PTPN6: variants seen among roughly 807,000 people sequenced by gnomAD.
PTPN6 encodes the protein tyrosine-protein phosphatase non-receptor type 6.
A neutral mutation model predicts 81.5 loss-of-function variants in PTPN6; 18 were observed. The ratio of observed to expected loss-of-function variants is 0.22; its 90% CI spans 0.15 to 0.33. The LOEUF (loss-of-function observed/expected upper bound fraction) is 0.33, where lower values mean the gene tolerates loss of function less well. PTPN6 is among the 10% of genes least tolerant of loss of function. The pLI, the probability that PTPN6 is intolerant of heterozygous loss-of-function variation, is 1.00. For synonymous variants in PTPN6, 301 were observed against 310.9 expected (o/e 0.97, Z 0.33); for missense variants, 500 against 794.2 (o/e 0.63, Z 4.45).
In PTPN6 at chr12:6,960,317, A is replaced by G; in HGVS notation, c.1582-27A>G. 6.2e-7 allele frequency: 1 copy of G among 1,605,294 alleles called. No individual in the cohort carries two copies. Among genetic ancestry groups the G allele is most frequent in the South Asian group, 1.1e-5 (1 of 90,896 alleles). On this transcript the variant is annotated intron_variant, in intron 13 of 15. Transcript: ENST00000318974. The surrounding 1 kb of genome is among the most constrained non-coding windows in gnomAD (Gnocchi z 6.1). ...GCCACCTGGCCCTGCTGGGACCACCACCTTCCCACTGTCCCTCTGCCCACA... is the reference window on the plus strand; with the variant it reads ...GCCACCTGGCCCTGCTGGGACCACCGCCTTCCCACTGTCCCTCTGCCCACA...
In PTPN6 at chr12:6,954,960, C is replaced by G. The variant is rs373750986; in HGVS notation, c.482C>G (p.Pro161Arg). 1.9e-6 allele frequency: 3 copies of G among 1,614,040 alleles called. No homozygotes were observed. The highest frequency in any genetic ancestry group is 1.1e-5 in the South Asian group (1 of 91,092). Reference sequence around the variant, plus strand: ...CAGCCCAAGGCTGGCCCAGGCTCCCCGCTCAGGGTCACCCACATCAAGGTC... The same window carrying G: ...CAGCCCAAGGCTGGCCCAGGCTCCCGGCTCAGGGTCACCCACATCAAGGTC... ...SDQPKAGPGS[P>R]LRVTHIKVMC... The change falls in exon 4 of 16, where the codon CCG becomes CGG. Residue 161 changes from proline to arginine, a missense_variant. Around this residue, in one of 6 missense-constraint regions of PTPN6, gnomAD observed 22 missense variants for 16.1 expected, o/e 1.37. Coordinates refer to ENST00000318974, the MANE Select transcript of PTPN6 (RefSeq NM_002831.6). This position sits in a 1 kb window ranked among gnomAD's most constrained non-coding sequence, Gnocchi z 5.4.
At chr12:6,953,762 G>T (rs929717780) in intron 3 of PTPN6, among the ~76,000 whole-genome samples, 2 of 152,100 alleles carry the variant, frequency 1.3e-5, no homozygotes, top group African/African-American at 4.8e-5. Flanking sequence ...TGGGGTCCTA[G>T]CCTGTCCCCA....
chr12:6,946,837 C>G (rs782622406), upstream of PTPN6: 10 of 1,299,998 alleles, frequency 7.7e-6, no homozygotes, highest in South Asian at 1.1e-4. Flanking sequence ...AACGTGAGTG[C>G]GATCTGCCGC....
At chr12:6,946,862 T>C, upstream of PTPN6, 3 of 1,120,434 alleles carry the variant, frequency 2.7e-6, no homozygotes, top group Non-Finnish European at 4.0e-6. Flanking sequence ...CTGCGCCTGT[T>C]TCCGGTCCCT....
chr12:6,951,283 G>GT (rs1555147659), upstream of PTPN6: 1 of 1,450,338 alleles, frequency 6.9e-7, no homozygotes, highest in Non-Finnish European at 9.0e-7. The surrounding 1 kb of genome is among the most constrained non-coding windows in gnomAD (Gnocchi z 7.2). Flanking sequence ...TCTAAAACGA[G>GT]AAGTACAAGT....
In PTPN6 at chr12:6,956,600, C is replaced by T; in HGVS notation, c.1074+32C>T. The T allele has an allele frequency of 6.2e-7, 1 of 1,612,516 alleles. No homozygotes were observed. The highest frequency in any genetic ancestry group is 8.5e-7 in the Non-Finnish European group (1 of 1,179,784). On this transcript the variant is annotated intron_variant, in intron 9 of 15. Coordinates refer to ENST00000318974, the MANE Select transcript of PTPN6 (RefSeq NM_002831.6). The surrounding 1 kb of genome is among the most constrained non-coding windows in gnomAD (Gnocchi z 4.1). Reference sequence around the variant, plus strand: ...CGCCCCCCCTTCCCCGCATCCGCCCCCGTGCTTGTGGTCATGCCATTAAGT... The same window carrying T: ...CGCCCCCCCTTCCCCGCATCCGCCCTCGTGCTTGTGGTCATGCCATTAAGT...
Position 6,956,390 on chromosome 12 carries a change from G to C in PTPN6, c.925-29G>C, listed in dbSNP as rs782557065. The C allele has an allele frequency of 6.8e-6, 11 of 1,614,114 alleles. No individual in the cohort carries two copies. The South Asian group carries it at 1.1e-4, about 16-fold the overall frequency. On this transcript the variant is annotated intron_variant, in intron 8 of 15. Transcript: ENST00000318974. This position sits in a 1 kb window ranked among gnomAD's most constrained non-coding sequence, Gnocchi z 4.1. Reference sequence around the variant, plus strand: ...GCTGGGCCAAGGGGCTCACTGTCTTGGGGTGCGTCTCTCCACGCTTGCGTC... The same window carrying C: ...GCTGGGCCAAGGGGCTCACTGTCTTCGGGTGCGTCTCTCCACGCTTGCGTC...
Position 6,961,248 on chromosome 12 carries a change from A to G in PTPN6, c.*148A>G. ...CCCCCACCTCTCCCTGACCCTGTATATAGCCCAGCCAGGCCCCAGGCAGGG... is the reference window on the plus strand; with the variant it reads ...CCCCCACCTCTCCCTGACCCTGTATGTAGCCCAGCCAGGCCCCAGGCAGGG... On this transcript the variant is annotated 3_prime_UTR_variant, in exon 16 of 16. Transcript: ENST00000318974. 2 of 388,550 alleles carry G rather than the reference A, an allele frequency of 5.1e-6. No homozygotes were observed. The highest frequency in any genetic ancestry group is 2.2e-5 in the South Asian group (1 of 45,024). The allele number at this position is 388,550 out of a possible 1,614,324, so 24.1% of individuals were successfully genotyped here. A position where few individuals can be genotyped will look rare whatever the true frequency, so the allele number is the denominator to read the frequency against.
In PTPN6 at chr12:6,952,095, C is replaced by T. The variant is rs1945936577; in HGVS notation, c.244C>T (p.Gln82Ter). 6.2e-7 allele frequency: 1 copy of T among 1,614,014 alleles called. No individual in the cohort carries two copies. The highest frequency in any genetic ancestry group is 8.5e-7 in the Non-Finnish European group (1 of 1,180,020). The stretch of plus-strand genomic sequence containing the variant: ...AGAGCTGGTGGAGTACTACACTCAG[C>T]AGCAGGGTGTCCTGCAGGACCGCGA... Reference protein sequence around the residue: ...LTELVEYYTQQQGVLQDRDGT... With the variant: ...LTELVEYYTQ The change falls in exon 3 of 16, where the codon CAG becomes TAG. Residue 82 changes from glutamine to a stop codon, truncating the protein, a stop_gained. Coordinates refer to ENST00000318974, the MANE Select transcript of PTPN6 (RefSeq NM_002831.6). LOFTEE classifies it high-confidence loss of function. The surrounding 1 kb of genome is among the most constrained non-coding windows in gnomAD (Gnocchi z 8.1).
At position 6,951,604 on chromosome 12, in the gene PTPN6, C is replaced by G. The variant is rs1555147750; in HGVS notation, c.9-5C>G. 1 of 1,613,882 alleles carries G rather than the reference C, an allele frequency of 6.2e-7. No individual in the cohort carries two copies. The highest frequency in any genetic ancestry group is 1.3e-5 in the African/African-American group (1 of 74,986). The stretch of plus-strand genomic sequence containing the variant: ...CCTCCTCACTGCCCTGCCTGGGCCG[C>G]CCAGGTGGTTTCACCGAGACCTCAG... On this transcript the variant is annotated splice_region_variant and splice_polypyrimidine_tract_variant and intron_variant, in intron 1 of 15. Transcript: ENST00000318974. This position sits in a 1 kb window ranked among gnomAD's most constrained non-coding sequence, Gnocchi z 7.2.
upstream of PTPN6, among the ~76,000 whole-genome samples, chr12:6,949,311 CTG>C (rs1338114745): frequency 2.0e-5 from 3 of 152,226 alleles, no homozygotes; most frequent in Non-Finnish European, 4.4e-5. Flanking sequence ...CATGTGGACT[CTG>C]TGCGTGCCAC....
chr12:6,952,532 G>A lies in PTPN6; in HGVS notation c.326+355G>A, dbSNP rs147642036. 263 of 378,174 alleles carry A rather than the reference G, an allele frequency of 7.0e-4. 1 individual carries two copies. The highest frequency in any genetic ancestry group is 4.9e-3 in the African/African-American group (237 of 48,462). 23.4% of individuals were successfully genotyped at this position (378,174 alleles called of 1,614,324 possible). A position where few individuals can be genotyped will look rare whatever the true frequency, so the allele number is the denominator to read the frequency against. ...GTTGTTAGAAAGCTCTTCTTCCTCT[G>A]GAATCGAGCCTGCCTTCCTCCGTCT... is the stretch of plus-strand genomic sequence containing the variant. On this transcript the variant is annotated intron_variant, in intron 3 of 15. Coordinates refer to ENST00000318974, the MANE Select transcript of PTPN6 (RefSeq NM_002831.6). This position sits in a 1 kb window ranked among gnomAD's most constrained non-coding sequence, Gnocchi z 8.1.
chr12:6,950,802 T>C (rs1945910424), upstream of PTPN6, among the ~76,000 whole-genome samples: 2 of 152,210 alleles, frequency 1.3e-5, no homozygotes, highest in African/African-American at 4.8e-5. Flanking sequence ...TGTCTGGGTT[T>C]GAATCCTGGC....
upstream of PTPN6, among the ~76,000 whole-genome samples, chr12:6,949,566 G>C (rs1341329889): frequency 2.0e-5 from 3 of 152,134 alleles, no homozygotes; most frequent in African/African-American, 4.8e-5. Flanking sequence ...CTAAAATTGG[G>C]TGAATAACAC....
rs1345637751 is a variant in PTPN6 at position 6,955,810 on chromosome 12, C to T, written c.844+54C>T. ...AGGATACCGCCCCTGCCCCAGCTGCCTCCCCTCATCTCACAGGTCTCCACC... is the reference window on the plus strand; with the variant it reads ...AGGATACCGCCCCTGCCCCAGCTGCTTCCCCTCATCTCACAGGTCTCCACC... On this transcript the variant is annotated intron_variant, in intron 7 of 15. Coordinates refer to ENST00000318974, the MANE Select transcript of PTPN6 (RefSeq NM_002831.6). This position sits in a 1 kb window ranked among gnomAD's most constrained non-coding sequence, Gnocchi z 7.2. 11 of 1,508,508 alleles carry T rather than the reference C, an allele frequency of 7.3e-6. No individual in the cohort carries two copies. In the Admixed American group the frequency reaches 1.9e-4, roughly 25 times the overall value. The allele number at this position is 1,508,508 out of a possible 1,614,324, so 93.4% of individuals were successfully genotyped here. A position where few individuals can be genotyped will look rare whatever the true frequency, so the allele number is the denominator to read the frequency against.
chr12:6,948,544 GGAAA>G (rs782086423), upstream of PTPN6, among the ~76,000 whole-genome samples: 414 of 133,292 alleles, frequency 3.1e-3, no homozygotes, highest in African/African-American at 6.1e-3. Flanking sequence ...AAGGAAGGAA[GGAAA>G]GAAAGAAAAG....
intron 11 of PTPN6, among the ~76,000 whole-genome samples, chr12:6,958,531 C>G (rs782755180): frequency 1.3e-5 from 2 of 152,370 alleles, no homozygotes; most frequent in South Asian, 4.1e-4. Flanking sequence ...AGCCGCAGGG[C>G]TTCGGCTTCT....
In PTPN6 at chr12:6,956,401, C is replaced by T; in HGVS notation, c.925-18C>T. ...GGGCTCACTGTCTTGGGGTGCGTCT[C>T]TCCACGCTTGCGTCCAGAACCAGCT... On this transcript the variant is annotated intron_variant, in intron 8 of 15. Transcript: ENST00000318974. This position sits in a 1 kb window ranked among gnomAD's most constrained non-coding sequence, Gnocchi z 4.1. 1.1e-5 allele frequency: 17 copies of T among 1,614,136 alleles called. No individual in the cohort carries two copies. The highest frequency in any genetic ancestry group is 1.4e-5 in the Non-Finnish European group (17 of 1,180,014).
chr12:6,949,869 G>C, upstream of PTPN6, among the ~76,000 whole-genome samples: 1 of 144,024 alleles, frequency 6.9e-6, no homozygotes, highest in Non-Finnish European at 1.5e-5. Context: ...GCTGGAGTGC[G>C]GTGGCATGAT....
Sources: gnomAD v4.1 joint callset for allele counts (sites outside exome capture counted in the v4.1 genomes callset) on GRCh38, gnomAD v4.1.1 for gene constraint, gnomAD v4.1.1 regional missense constraint, Gnocchi (gnomAD v3.1) non-coding constraint, MANE v1.5 for transcripts, NCBI Gene and HGNC (gene_info 2026-07-23, HGNC 2026-07-21) for gene names.